Variants in SORCS2 observed in about 807,000 individuals in gnomAD.
The protein encoded by SORCS2 is VPS10 domain-containing receptor SorCS2.
SORCS2 carries 100 observed loss-of-function variants against 141.6 expected under a neutral mutation model. That is an observed-to-expected ratio of 0.71 (90% CI 0.60 to 0.83). SORCS2 has a LOEUF of 0.83. Ranked by LOEUF, SORCS2 falls within the 40% of genes least tolerant of loss-of-function variation. SORCS2 has a pLI of 0.00. For synonymous variants in SORCS2, 789 were observed against 676.9 expected (o/e 1.17, Z -2.57); for missense variants, 1,646 against 1,560.2 (o/e 1.05, Z -0.93).
At chr4:7,543,743 CCCAT>C (rs1712945245) in intron 3 of SORCS2, among the ~76,000 whole-genome samples, 1 of 34,292 alleles carries the variant, frequency 2.9e-5, no homozygotes, top group Non-Finnish European at 5.3e-5. Context: ...CACCCATCCA[CCCAT>C]CCACCCATCC....
intron 1 of SORCS2, among the ~76,000 whole-genome samples, chr4:7,232,018 GC>G: frequency 6.6e-6 from 1 of 152,358 alleles, no homozygotes; most frequent in African/African-American, 2.4e-5. Context: ...TCTGACAAGG[GC>G]CCCGTGATTG....
chr4:7,340,510 GC>G (rs1321528121), intron 1 of SORCS2, among the ~76,000 whole-genome samples: 2 of 152,190 alleles, frequency 1.3e-5, no homozygotes, highest in East Asian at 3.9e-4. Flanking sequence ...TGGGAAAGGC[GC>G]CCCCCAGGTG....
intron 10 of SORCS2, among the ~76,000 whole-genome samples, chr4:7,688,085 G>A (rs1287566131): frequency 6.6e-6 from 1 of 152,244 alleles, no homozygotes; most frequent in Non-Finnish European, 1.5e-5. Flanking sequence ...CCAATTTCCT[G>A]AATGGTTTAA....
chr4:7,540,994 C>T (rs1712603611), intron 3 of SORCS2, among the ~76,000 whole-genome samples: 1 of 152,238 alleles, frequency 6.6e-6, no homozygotes, highest in South Asian at 2.1e-4. Flanking sequence ...CAATGCCAGG[C>T]ACACAGCTGG....
intron 1 of SORCS2, among the ~76,000 whole-genome samples, chr4:7,304,125 T>C (rs879934790): frequency 6.6e-6 from 1 of 152,228 alleles, no homozygotes; most frequent in Non-Finnish European, 1.5e-5. Flanking sequence ...GCATGTGTGG[T>C]CCCCACGCTG....
intron 10 of SORCS2, among the ~76,000 whole-genome samples, chr4:7,687,447 G>A (rs1376815396): frequency 2.0e-5 from 3 of 152,114 alleles, no homozygotes; most frequent in Non-Finnish European, 2.9e-5. Context: ...CTATTGCAGC[G>A]GGCAACGTCT....
rs1045965034 is a variant in SORCS2 at position 7,663,859 on chromosome 4, C to G, written c.953-494C>G. On this transcript the variant is annotated intron_variant, in intron 6 of 26. Coordinates refer to ENST00000507866, the MANE Select transcript of SORCS2 (RefSeq NM_020777.3). This position sits in a 1 kb window ranked among gnomAD's most constrained non-coding sequence, Gnocchi z 4.8. ...TCTAGCCCCTCCACATAAATTTGCC[C>G]CGGGGAAACAGAAGAACTTCAAATT... is the stretch of plus-strand genomic sequence containing the variant. 1.3e-5 allele frequency among the ~76,000 whole-genome samples: 2 copies of G among 152,134 alleles called. No homozygotes were observed. The highest frequency in any genetic ancestry group is 2.9e-5 in the Non-Finnish European group (2 of 68,026).
chr4:7,537,759 G>C (rs568830898), intron 3 of SORCS2, among the ~76,000 whole-genome samples: 1 of 152,304 alleles, frequency 6.6e-6, no homozygotes, highest in African/African-American at 2.4e-5. Context: ...TGTGATCCCA[G>C]CACTTTGGGA....
At chr4:7,194,139 C>T (rs920685614) in intron 1 of SORCS2, among the ~76,000 whole-genome samples, 2 of 152,110 alleles carry the variant, frequency 1.3e-5, no homozygotes, top group African/African-American at 2.4e-5. Flanking sequence ...CATGAATCCC[C>T]AGAGGAGGGT....
chr4:7,396,319 C>T lies in SORCS2; in HGVS notation c.512C>T (p.Ala171Val). 1 of 1,614,012 alleles carries T rather than the reference C, an allele frequency of 6.2e-7. No homozygotes were observed. Among genetic ancestry groups the T allele is most frequent in the Non-Finnish European group, 8.5e-7 (1 of 1,179,892 alleles). The change falls in exon 2 of 27, where the codon GCA (alanine) becomes GTA (valine). Residue 171 changes from alanine to valine, a missense_variant. Physicochemically the swap from Ala to Val is moderately conservative, Grantham distance 64. Coordinates refer to ENST00000507866, the MANE Select transcript of SORCS2 (RefSeq NM_020777.3). Reference protein sequence around the residue: ...VILILTKYYHADMGKVLESSL... With the variant: ...VILILTKYYHVDMGKVLESSL... ...TTGATCCTGACGAAGTACTACCACG[C>T]AGACATGGGGAAGGTTCTGGAAAGT...
intron 3 of SORCS2, among the ~76,000 whole-genome samples, chr4:7,542,901 AG>A: frequency 6.6e-6 from 1 of 152,288 alleles, no homozygotes; most frequent in East Asian, 1.9e-4. Context: ...CTTCCCTCTT[AG>A]GAGGGATGAA....
At chr4:7,722,455 G>C (rs1019305563) in intron 18 of SORCS2, among the ~76,000 whole-genome samples, 1 of 152,080 alleles carries the variant, frequency 6.6e-6, no homozygotes, top group Non-Finnish European at 1.5e-5. Context: ...TCTCATGCCG[G>C]GTGGCCTGAA....
At position 7,508,864 on chromosome 4, in the gene SORCS2, A is replaced by C. The variant is rs553717542; in HGVS notation, c.549-22666A>C. On this transcript the variant is annotated intron_variant, in intron 2 of 26. Coordinates refer to ENST00000507866, the MANE Select transcript of SORCS2 (RefSeq NM_020777.3). ...GAATACTGTGGAAAGAAAATAAAAT[A>C]GACCAAAAAAGGGAAGGCTAAAATC... Among the ~76,000 whole-genome samples, 266 of 152,340 alleles carry C rather than the reference A, an allele frequency of 1.7e-3. 1 individual carries two copies. The highest frequency in any genetic ancestry group is 5.9e-3 in the African/African-American group (247 of 41,590).
chr4:7,623,314 G>T (rs1487311075), intron 3 of SORCS2, among the ~76,000 whole-genome samples: 1 of 152,014 alleles, frequency 6.6e-6, no homozygotes, highest in East Asian at 1.9e-4. Context: ...TCAGTAATCA[G>T]TCACACTCAG....
chr4:7,712,342 C>G (rs147678055), intron 14 of SORCS2, among the ~76,000 whole-genome samples: 24 of 152,340 alleles, frequency 1.6e-4, no homozygotes, highest in African/African-American at 5.8e-4. Flanking sequence ...GATGCAGCCA[C>G]CTGACCACAG....
chr4:7,561,978 C>T (rs140302265), intron 3 of SORCS2, among the ~76,000 whole-genome samples: 1 of 152,354 alleles, frequency 6.6e-6, no homozygotes, highest in East Asian at 1.9e-4. Flanking sequence ...TATCCATCTA[C>T]CCATCCGTCC....
At chr4:7,524,526 T>C (rs946442458) in intron 2 of SORCS2, among the ~76,000 whole-genome samples, 1 of 152,084 alleles carries the variant, frequency 6.6e-6, no homozygotes, top group African/African-American at 2.4e-5. Context: ...GGTTGAGTCT[T>C]GTTGCTTGCA....
At chr4:7,655,202 T>TAC (rs144046004) in intron 5 of SORCS2, among the ~76,000 whole-genome samples, 5,920 of 148,952 alleles carry the variant, frequency 0.04, 130 homozygotes, top group African/African-American at 0.056. Context: ...CTTGTGCGTG[T>TAC]ACACACACAC....
intron 1 of SORCS2, among the ~76,000 whole-genome samples, chr4:7,317,950 GA>G (rs1718668019): frequency 6.6e-6 from 1 of 152,228 alleles, no homozygotes; most frequent in Non-Finnish European, 1.5e-5. Context: ...TAGCACTTCA[GA>G]ATGTGACAGA....
Sources: gnomAD v4.1 joint callset for allele counts (sites outside exome capture counted in the v4.1 genomes callset) on GRCh38, gnomAD v4.1.1 for gene constraint, Gnocchi (gnomAD v3.1) non-coding constraint, MANE v1.5 for transcripts, NCBI Gene and HGNC (gene_info 2026-07-23, HGNC 2026-07-21) for gene names.